The following SLC4A9 variants were observed in gnomAD, a reference collection of about 807,000 sequenced individuals.
SLC4A9 encodes anion exchange protein 4.
Under a neutral mutation model 103.2 loss-of-function variants are expected in SLC4A9, and 102 were observed. The observed-to-expected ratio is 0.99, with a 90% CI of 0.84 to 1.17. The LOEUF (loss-of-function observed/expected upper bound fraction) is 1.17. Ranked by LOEUF, SLC4A9 falls within the 50% of genes most tolerant of loss-of-function variation. SLC4A9 has a pLI of 0.00. For synonymous variants in SLC4A9, 453 were observed against 483.6 expected, an observed-to-expected ratio of 0.94 and a Z score of 0.83; for missense variants, 1,091 against 1,193.7, an observed-to-expected ratio of 0.91 and a Z score of 1.27.
At chr5:140,368,547 A>AAT in intron 16 of SLC4A9, 40 bp from the exon 17 acceptor site, 1 of 1,576,512 alleles carries the variant, frequency 6.3e-7, no homozygotes, top group Non-Finnish European at 8.7e-7. Context: ...TACCCCAGGG[A>AAT]CTCTCCCAGA....
At chr5:140,370,281 T>C (rs1768508062) in intron 17 of SLC4A9, among the ~76,000 whole-genome samples, 1 of 151,698 alleles carries the variant, frequency 6.6e-6, no homozygotes, top group African/African-American at 2.4e-5. Flanking sequence ...CTGGCCAACA[T>C]GGCGAAACCC....
chr5:140,368,596 G>A lies in SLC4A9; in HGVS notation c.2364G>A (p.Arg788=), dbSNP rs776626158. The A allele has an allele frequency of 6.2e-7, 1 of 1,612,932 alleles. No homozygotes were observed. The highest frequency in any genetic ancestry group is 8.5e-7 in the Non-Finnish European group (1 of 1,179,648). ...RPNFLGIREQ[R]LTGLVVFILT... Reference sequence around the variant, plus strand: ...CTCCCTCTCCCCACAGGGAACAGAGGCTGACAGGCCTGGTGGTGTTCATCC... The same window carrying A: ...CTCCCTCTCCCCACAGGGAACAGAGACTGACAGGCCTGGTGGTGTTCATCC... The change falls in exon 17 of 22, where the codon AGG becomes AGA. Residue 788 remains arginine, a synonymous_variant. Transcript: ENST00000506757.
rs774258099 is a variant in SLC4A9, at chr5:140,367,816, A to C, written c.2272A>C (p.Ile758Leu). 14 of 1,613,842 alleles carry C rather than the reference A, an allele frequency of 8.7e-6. No homozygotes were observed. The highest frequency in any genetic ancestry group is 1.2e-5 in the Non-Finnish European group (14 of 1,179,888). Residue 758 changes from isoleucine (I) to leucine (L), a missense_variant, in exon 16 of 22, where the codon ATC becomes CTC. Coordinates refer to ENST00000506757, the MANE Select transcript of SLC4A9 (RefSeq NM_031467.3). ...GCCTTGGTATGTCTCAGCCACTGTC[A>C]TCTCCCTGGCTCACATGGACAGTCT... Reference protein sequence around the residue: ...GLPWYVSATVISLAHMDSLRR... With the variant: ...GLPWYVSATVLSLAHMDSLRR...
intron 6 of SLC4A9, 123 bp from the exon 7 acceptor site, chr5:140,362,789 T>A: frequency 7.9e-7 from 1 of 1,270,578 alleles, no homozygotes; most frequent in Non-Finnish European, 1.1e-6. Flanking sequence ...AATGCATGCA[T>A]AAAGGAATGT....
Position 140,363,738 on chromosome 5 carries a change from G to A in SLC4A9, c.1090G>A (p.Gly364Ser). ...ACCCTCGGGCGGGAGGCTGTTTGGG[G>A]GCCTTATCCAGGACGTGCGCAGGAA... ...ELQRTGRLFG[G>S]LIQDVRRKVP... The change falls in exon 9 of 22, where the codon GGC (glycine) becomes AGC (serine). Residue 364 changes from glycine to serine, a missense_variant. Gly to Ser is a moderately conservative substitution (Grantham distance 56). Coordinates refer to ENST00000506757, the MANE Select transcript of SLC4A9 (RefSeq NM_031467.3). The surrounding 1 kb of genome is among the most constrained non-coding windows in gnomAD (Gnocchi z 4.5). 2 of 1,613,748 alleles carry A rather than the reference G, an allele frequency of 1.2e-6. No homozygotes were observed. The highest frequency in any genetic ancestry group is 1.7e-5 in the Admixed American group (1 of 60,016).
At chr5:140,373,374 G>A (rs1349808618) in intron 21 of SLC4A9, among the ~76,000 whole-genome samples, 15 of 152,156 alleles carry the variant, frequency 9.9e-5, no homozygotes, top group Admixed American at 8.5e-4. Flanking sequence ...GACAGTCATG[G>A]TCCCTGACCT....
At position 140,362,523 on chromosome 5, in the gene SLC4A9, C is replaced by T; in HGVS notation, c.798C>T (p.Leu266=). 2 of 1,613,976 alleles carry T rather than the reference C, an allele frequency of 1.2e-6. No homozygotes were observed. Among genetic ancestry groups the T allele is most frequent in the African/African-American group, 1.3e-5 (1 of 75,056 alleles). Residue 266 remains leucine (L), a synonymous_variant, in exon 6 of 22, where the codon CTC becomes CTT. Coordinates refer to ENST00000506757, the MANE Select transcript of SLC4A9 (RefSeq NM_031467.3). ...TGGGACGGGCAGCAGCTGTCCTCCT[C>T]AGTGACCCGGTGAGCTGAGCAGGTG... The part of the protein sequence containing the change: ...HEMGRAAAVL[L]SDPQFQWSVR...
chr5:140,365,288 C>G (rs894773728), intron 11 of SLC4A9, among the ~76,000 whole-genome samples: 5 of 152,340 alleles, frequency 3.3e-5, no homozygotes, highest in African/African-American at 1.2e-4. Context: ...TGAGCATCTA[C>G]TGTGGCCAGG....
At chr5:140,371,930 A>G (rs1768787519) in intron 19 of SLC4A9, among the ~76,000 whole-genome samples, 1 of 152,306 alleles carries the variant, frequency 6.6e-6, no homozygotes, top group East Asian at 1.9e-4. Context: ...TTACTCAGTG[A>G]GGTGATAACA....
intron 18 of SLC4A9, 128 bp from the exon 19 acceptor site, chr5:140,371,323 C>A: frequency 7.1e-7 from 1 of 1,417,020 alleles, no homozygotes; most frequent in Admixed American, 1.8e-5. Flanking sequence ...TCCTGTCTCT[C>A]CTGGACTCAG....
In SLC4A9 at chr5:140,361,319, C is replaced by A; in HGVS notation, c.457C>A (p.Gln153Lys). 1 of 1,567,744 alleles carries A rather than the reference C, an allele frequency of 6.4e-7. No individual in the cohort carries two copies. The highest frequency in any genetic ancestry group is 8.6e-7 in the Non-Finnish European group (1 of 1,156,158). The change falls in exon 3 of 22, where the codon CAG (glutamine) becomes AAG (lysine). Residue 153 changes from glutamine to lysine, a missense_variant. Transcript: ENST00000506757. Reference protein sequence around the residue: ...LRGQLQALLLQRPQHYNQTTG... With the variant: ...LRGQLQALLLKRPQHYNQTTG... ...AGGGCAGTTGCAGGCCTTGCTGCTGCAGAGACCCCAGCATTACAACCAGAC... is the reference window on the plus strand; with the variant it reads ...AGGGCAGTTGCAGGCCTTGCTGCTGAAGAGACCCCAGCATTACAACCAGAC...
At chr5:140,361,127 G>T (rs749170076) in intron 2 of SLC4A9, 127 bp from the exon 3 acceptor site, 33 of 1,184,624 alleles carry the variant, frequency 2.8e-5, no homozygotes, top group Non-Finnish European at 3.8e-5. Context: ...CAGGGTGGAG[G>T]AGCAAGTTCA....
intron 1 of SLC4A9, 43 bp from the exon 2 acceptor site, chr5:140,360,769 G>T: frequency 6.2e-7 from 1 of 1,612,256 alleles, no homozygotes; most frequent in Non-Finnish European, 8.5e-7. Flanking sequence ...CTGGACATGG[G>T]AGAAATGCCC....
chr5:140,371,837 T>C (rs76697617), intron 19 of SLC4A9, among the ~76,000 whole-genome samples: 4,103 of 152,304 alleles, frequency 0.027, 199 homozygotes, highest in African/African-American at 0.095. Context: ...TTTCCCAACC[T>C]CTTTGGAGTG....
In SLC4A9 at chr5:140,360,887, G is replaced by T; in HGVS notation, c.306G>T (p.Leu102=). 1.9e-6 allele frequency: 3 copies of T among 1,610,514 alleles called. No homozygotes were observed. Among genetic ancestry groups the T allele is most frequent in the Non-Finnish European group, 2.5e-6 (3 of 1,178,930 alleles). Residue 102 remains leucine (L), a synonymous_variant, in exon 2 of 22, where the codon CTG becomes CTT. Coordinates refer to ENST00000506757, the MANE Select transcript of SLC4A9 (RefSeq NM_031467.3). ...CCCCCCACGTGCCCACCCTGGCACT[G>T]CCCAGCCTCCAGAAGCTCCGCAGCC... The part of the protein sequence containing the change: ...WSAPHVPTLA[L]PSLQKLRSLL...
chr5:140,367,387 A>C, intron 14 of SLC4A9, 33 bp from the exon 15 acceptor site: 1 of 1,603,490 alleles, frequency 6.2e-7, no homozygotes, highest in Non-Finnish European at 8.5e-7. Context: ...TGGGAGACCC[A>C]CTCCAACCTG....
Position 140,360,894 on chromosome 5 carries a change from C to T in SLC4A9, c.313C>T (p.Leu105Phe). ...CGTGCCCACCCTGGCACTGCCCAGC[C>T]TCCAGAAGCTCCGCAGCCTGCTGGC... ...PHVPTLALPS[L>F]QKLRSLLAEG... The change falls in exon 2 of 22, where the codon CTC becomes TTC. Residue 105 changes from leucine to phenylalanine, a missense_variant. Transcript: ENST00000506757. 6.2e-7 allele frequency: 1 copy of T among 1,609,622 alleles called. No homozygotes were observed. Among genetic ancestry groups the T allele is most frequent in the East Asian group, 2.2e-5 (1 of 44,786 alleles).
At chr5:140,367,920 T>C (rs765502581) in intron 16 of SLC4A9, 22 bp downstream of exon 16, 2 of 1,612,542 alleles carry the variant, frequency 1.2e-6, no homozygotes, top group Admixed American at 3.3e-5. Context: ...ATTTAGGAAG[T>C]GGAGTAAGAG....
intron 14 of SLC4A9, among the ~76,000 whole-genome samples, chr5:140,366,811 C>T (rs1419499864): frequency 6.6e-6 from 1 of 152,196 alleles, no homozygotes; most frequent in African/African-American, 2.4e-5. Flanking sequence ...TCCCACCCCA[C>T]GTTGCCTACC....
Sources: allele counts gnomAD v4.1 joint callset (sites outside exome capture counted in the v4.1 genomes callset), GRCh38; gene constraint gnomAD v4.1.1; non-coding constraint Gnocchi (gnomAD v3.1); transcripts MANE v1.5; gene names NCBI Gene and HGNC (gene_info 2026-07-23, HGNC 2026-07-21).